Variants in RNF128 observed in about 807,000 individuals in gnomAD.
The protein encoded by RNF128 is ring finger protein 128.
A neutral mutation model predicts 26.2 loss-of-function variants in RNF128; 13 were observed. The ratio of observed to expected loss-of-function variants is 0.50; its 90% CI spans 0.32 to 0.79. The LOEUF (loss-of-function observed/expected upper bound fraction) is 0.79. Ranked by LOEUF, RNF128 falls within the 30% of genes least tolerant of loss-of-function variation. The pLI, the probability that RNF128 is intolerant of heterozygous loss-of-function variation, is 0.03. For synonymous variants in RNF128, 149 were observed against 142.5 expected, an observed-to-expected ratio of 1.05 and a Z score of -0.32; for missense variants, 315 against 349.7, an observed-to-expected ratio of 0.90 and a Z score of 0.79.
intron 5 of RNF128, 43 bp from the exon 6 acceptor site, chrX:106,791,023 G>A (rs749413876): frequency 6.1e-6 from 7 of 1,143,740 alleles, no homozygotes; most frequent in South Asian, 3.9e-5. Flanking sequence ...GAGGAAAAGC[G>A]TGTACACTGA....
intron 2 of RNF128, among the ~76,000 whole-genome samples, chrX:106,778,672 C>T: frequency 9.0e-6 from 1 of 111,523 alleles, no homozygotes; most frequent in Non-Finnish European, 1.9e-5. Flanking sequence ...AGTAAGCAGT[C>T]CCTTCATCTG....
At position 106,727,154 on chromosome X, in the gene RNF128, G is replaced by T. The variant is rs1337307629; in HGVS notation, c.241G>T (p.Ala81Ser). The T allele has an allele frequency of 8.3e-7, 1 of 1,210,057 alleles. No individual in the cohort carries two copies. The highest frequency in any genetic ancestry group is 1.1e-6 in the Non-Finnish European group (1 of 894,840). The change falls in exon 1 of 7, where the codon GCT becomes TCT. Residue 81 changes from alanine to serine, a missense_variant. By Grantham distance (99) the Ala-to-Ser change is moderately conservative (BLOSUM62 1). Coordinates refer to ENST00000255499, the MANE Select transcript of RNF128 (RefSeq NM_194463.2). ...CCAGGACTCGCCGCTGGAGCCTGTGGCTGGGGTCCTGGTACCGCCCGACGG... is the reference window on the plus strand; with the variant it reads ...CCAGGACTCGCCGCTGGAGCCTGTGTCTGGGGTCCTGGTACCGCCCGACGG... ...YGQDSPLEPV[A>S]GVLVPPDGPG...
intron 2 of RNF128, among the ~76,000 whole-genome samples, chrX:106,779,348 CGTGTGT>C (rs372716238): frequency 7.9e-4 from 71 of 90,105 alleles, no homozygotes; most frequent in South Asian, 6.5e-3. Flanking sequence ...TACACAGTTA[CGTGTGT>C]GTGTGTGTGT....
intron 1 of RNF128, among the ~76,000 whole-genome samples, chrX:106,751,395 C>G (rs1277133909): frequency 9.0e-6 from 1 of 110,765 alleles, no homozygotes; most frequent in Admixed American, 9.6e-5. Flanking sequence ...TAGACCAGCC[C>G]TAGCCGGAGG....
intron 1 of RNF128, among the ~76,000 whole-genome samples, chrX:106,756,424 A>T (rs1289708591): frequency 8.0e-4 from 88 of 109,490 alleles, no homozygotes; most frequent in African/African-American, 3.0e-3. Context: ...GCCCTCAGAA[A>T]TAATGCTGCA....
At chrX:106,724,067 A>T (rs778083396), upstream of RNF128, among the ~76,000 whole-genome samples, 1 of 110,857 alleles carries the variant, frequency 9.0e-6, no homozygotes, top group Non-Finnish European at 1.9e-5. Context: ...AAATCGACAT[A>T]TCTAAAGTGA....
chrX:106,730,746 C>T lies in RNF128; in HGVS notation c.484+3349C>T, dbSNP rs561523339. Among the ~76,000 whole-genome samples, 38 of 110,450 alleles carry T rather than the reference C, an allele frequency of 3.4e-4. No homozygotes were observed. The South Asian group carries it at 0.014, about 42-fold the overall frequency. ...ACTACAACCTTCATAATTCATGAAA[C>T]ATTTACAACGTTATGCATAAAACAT... On this transcript the variant is annotated intron_variant, in intron 1 of 6. Transcript: ENST00000255499.
chrX:106,748,994 T>C (rs970533450), intron 1 of RNF128, among the ~76,000 whole-genome samples: 4 of 111,963 alleles, frequency 3.6e-5, no homozygotes, highest in Non-Finnish European at 3.8e-5. Context: ...ATCACAAAAA[T>C]ATGTACAACT....
intron 1 of RNF128, among the ~76,000 whole-genome samples, chrX:106,701,687 C>T (rs1928959799): frequency 9.0e-6 from 1 of 111,280 alleles, no homozygotes; most frequent in Non-Finnish European, 1.9e-5. Flanking sequence ...ATTGTGACTC[C>T]GAGTTGAGTG....
exon 1 of RNF128, chrX:106,694,044 A>T (rs1378697826): frequency 8.3e-7 from 1 of 1,201,562 alleles, no homozygotes; most frequent in Non-Finnish European, 1.1e-6. Flanking sequence ...GGCTCCTTGT[A>T]ATTTTTACCT....
chrX:106,711,266 C>T (rs1929122173), intron 1 of RNF128, among the ~76,000 whole-genome samples: 1 of 111,714 alleles, frequency 9.0e-6, no homozygotes, highest in Non-Finnish European at 1.9e-5. Context: ...AAATTAGTAT[C>T]CACCCCTTCA....
At chrX:106,729,831 T>C (rs1476548838) in intron 1 of RNF128, among the ~76,000 whole-genome samples, 2 of 111,981 alleles carry the variant, frequency 1.8e-5, no homozygotes, top group Non-Finnish European at 3.8e-5. Context: ...GTTTGCAAAG[T>C]GTTATATTGT....
At chrX:106,775,129 A>T (rs1230348641) in intron 2 of RNF128, among the ~76,000 whole-genome samples, 1 of 112,079 alleles carries the variant, frequency 8.9e-6, no homozygotes. Flanking sequence ...AGTCAAAAAG[A>T]TGTTTAAAAT....
At chrX:106,694,176 A>G in exon 1 of RNF128, 1 of 1,209,250 alleles carries the variant, frequency 8.3e-7, no homozygotes, top group Non-Finnish European at 1.1e-6. Context: ...GATTAGCTTC[A>G]CCAGTGGCTA....
At chrX:106,702,381 T>G (rs1397334690) in intron 1 of RNF128, among the ~76,000 whole-genome samples, 2 of 112,054 alleles carry the variant, frequency 1.8e-5, no homozygotes, top group East Asian at 5.6e-4. Flanking sequence ...TATTATGTTA[T>G]GATTTGCTGC....
At chrX:106,763,962 GT>G (rs1305115496) in intron 1 of RNF128, among the ~76,000 whole-genome samples, 1 of 103,299 alleles carries the variant, frequency 9.7e-6, no homozygotes, top group East Asian at 3.4e-4. Flanking sequence ...GTTTGGTTTG[GT>G]TTTTGTTTTT....
intron 2 of RNF128, among the ~76,000 whole-genome samples, chrX:106,778,982 A>G (rs1174057973): frequency 8.9e-6 from 1 of 111,790 alleles, no homozygotes; most frequent in Non-Finnish European, 1.9e-5. Context: ...TGGTGTGTTC[A>G]CATGTATGTA....
intron 1 of RNF128, among the ~76,000 whole-genome samples, chrX:106,772,409 G>T (rs1040016741): frequency 2.7e-5 from 3 of 111,729 alleles, no homozygotes; most frequent in African/African-American, 9.7e-5. Context: ...ATTTGGGTTT[G>T]TAAACATTGT....
intron 1 of RNF128, among the ~76,000 whole-genome samples, chrX:106,765,539 T>A (rs1298235582): frequency 9.0e-6 from 1 of 110,828 alleles, no homozygotes; most frequent in East Asian, 2.8e-4. Flanking sequence ...CCCAAATAAA[T>A]AGAAAAAAGG....
Sources: gnomAD v4.1 joint callset for allele counts (sites outside exome capture counted in the v4.1 genomes callset) on GRCh38, gnomAD v4.1.1 for gene constraint, MANE v1.5 for transcripts, NCBI Gene and HGNC (gene_info 2026-07-23, HGNC 2026-07-21) for gene names.